Variants in HIVEP3 observed in about 807,000 individuals in gnomAD.
HIVEP3 encodes HIVEP zinc finger 3.
HIVEP3 carries 49 observed loss-of-function variants against 152.8 expected under a neutral mutation model. That is an observed-to-expected ratio of 0.32 (90% CI 0.26 to 0.41). The LOEUF (loss-of-function observed/expected upper bound fraction) is 0.41, where lower values mean the gene tolerates loss of function less well. Ranked by LOEUF, HIVEP3 falls within the 10% of genes least tolerant of loss-of-function variation. The pLI is 1.00. For synonymous variants in HIVEP3, 1,269 were observed against 1,289.0 expected (o/e 0.98, Z 0.33); for missense variants, 2,790 against 3,103.3 (o/e 0.90, Z 2.40).
At position 41,509,959 on chromosome 1, in the gene HIVEP3, G is replaced by A. The variant is rs1644425736; in HGVS notation, c.*492C>T. On this transcript the variant is annotated 3_prime_UTR_variant, in exon 9 of 9. Coordinates refer to ENST00000372583, the MANE Select transcript of HIVEP3 (RefSeq NM_024503.5). ...GGCCTTTCTGCTGGCAGAGAGGGGT[G>A]GCTACGAGCTGGGCAGGGGGGTGAA... 6.6e-6 allele frequency: 1 copy of A among 152,476 alleles called. No homozygotes were observed. Among genetic ancestry groups the A allele is most frequent in the Non-Finnish European group, 1.5e-5 (1 of 68,288 alleles). The allele number at this position is 152,476 out of a possible 1,614,324, so 9.4% of individuals were successfully genotyped here. A position where few individuals can be genotyped will look rare whatever the true frequency, so the allele number is the denominator to read the frequency against.
At chr1:41,641,614 T>C (rs1008470739) in intron 2 of HIVEP3, among the ~76,000 whole-genome samples, 3 of 152,252 alleles carry the variant, frequency 2.0e-5, no homozygotes, top group Non-Finnish European at 2.9e-5. Flanking sequence ...AAAGTTTCCA[T>C]TGCATCAGTT....
At chr1:41,693,104 G>C (rs556330003) in intron 2 of HIVEP3, among the ~76,000 whole-genome samples, 1 of 152,172 alleles carries the variant, frequency 6.6e-6, no homozygotes, top group Non-Finnish European at 1.5e-5. Context: ...TCCAGGGCCA[G>C]GTGGCTTGAA....
At chr1:41,663,719 A>G (rs1190095785) in intron 2 of HIVEP3, among the ~76,000 whole-genome samples, 3 of 152,210 alleles carry the variant, frequency 2.0e-5, no homozygotes, top group African/African-American at 7.2e-5. Flanking sequence ...CTATGGCTCC[A>G]GGGCTTGCAG....
chr1:41,735,848 A>G (rs1163205863), intron 1 of HIVEP3, among the ~76,000 whole-genome samples: 2 of 152,080 alleles, frequency 1.3e-5, no homozygotes, highest in East Asian at 3.9e-4. Context: ...ATGCACTGAG[A>G]GATTGCATTT....
At chr1:41,785,870 C>T (rs1039212035) in intron 1 of HIVEP3, among the ~76,000 whole-genome samples, 1 of 152,148 alleles carries the variant, frequency 6.6e-6, no homozygotes, top group Non-Finnish European at 1.5e-5. Flanking sequence ...GTGGCAGGTG[C>T]CTGTAATCCC....
At chr1:41,907,391 C>T (rs975970877) in intron 1 of HIVEP3, among the ~76,000 whole-genome samples, 16 of 152,188 alleles carry the variant, frequency 1.1e-4, no homozygotes, top group African/African-American at 3.4e-4. Flanking sequence ...CCACCTTGAA[C>T]TCTGGGAAAG....
chr1:41,866,291 C>G (rs1643971339), intron 1 of HIVEP3, among the ~76,000 whole-genome samples: 1 of 152,238 alleles, frequency 6.6e-6, no homozygotes, highest in South Asian at 2.1e-4. Context: ...GCTTCAGGGA[C>G]AGGGGATGCA....
rs536223875 is a variant in HIVEP3 at position 41,766,950 on chromosome 1, A to G, written c.-800-65955T>C. Among the ~76,000 whole-genome samples the G allele has an allele frequency of 1.3e-4, 20 of 152,214 alleles. No individual in the cohort carries two copies. The South Asian group carries it at 1.7e-3, about 13-fold the overall frequency. Reference sequence around the variant, plus strand: ...ACCCCGCAGGAGGAAAGACTCCCCAAAATTGTCCTACCCAATGGATACTCT... The same window carrying G: ...ACCCCGCAGGAGGAAAGACTCCCCAGAATTGTCCTACCCAATGGATACTCT... On this transcript the variant is annotated intron_variant, in intron 1 of 8. Transcript: ENST00000372583.
In HIVEP3 at chr1:41,633,075, C is replaced by T. The variant is rs116562561; in HGVS notation, c.-720-4128G>A. On this transcript the variant is annotated intron_variant, in intron 2 of 8. Transcript: ENST00000372583. ...CGTGAGGCTGGTGTCACTGACTGTC[C>T]CCAGTCTCCCCCTCCGTGGCAGGTC... Among the ~76,000 whole-genome samples the T allele has an allele frequency of 9.2e-3, 1,403 of 152,126 alleles. 15 individuals carry two copies. The highest frequency in any genetic ancestry group is 0.032 in the African/African-American group (1,323 of 41,460).
intron 1 of HIVEP3, among the ~76,000 whole-genome samples, chr1:41,891,843 T>G (rs1008780812): frequency 6.6e-6 from 1 of 152,200 alleles, no homozygotes; most frequent in Non-Finnish European, 1.5e-5. Context: ...CCTGATTTCA[T>G]TGCTTGTGAA....
At chr1:42,028,722 A>G (rs1481229552) in intron 1 of HIVEP3, among the ~76,000 whole-genome samples, 1 of 152,200 alleles carries the variant, frequency 6.6e-6, no homozygotes, top group Non-Finnish European at 1.5e-5. Flanking sequence ...TCTTTAATTA[A>G]AAACAAAACA....
chr1:41,715,273 T>C (rs1412578205), intron 1 of HIVEP3, among the ~76,000 whole-genome samples: 1 of 152,032 alleles, frequency 6.6e-6, no homozygotes, highest in Non-Finnish European at 1.5e-5. Context: ...AGGAGACAGA[T>C]TTATTGATCT....
chr1:41,820,306 C>T (rs1642555200), intron 1 of HIVEP3, among the ~76,000 whole-genome samples: 1 of 152,126 alleles, frequency 6.6e-6, no homozygotes, highest in Non-Finnish European at 1.5e-5. Flanking sequence ...CTTCATGAAC[C>T]CCTCTTATCT....
chr1:42,006,840 C>T (rs1472244129), intron 1 of HIVEP3, among the ~76,000 whole-genome samples: 1 of 152,112 alleles, frequency 6.6e-6, no homozygotes, highest in African/African-American at 2.4e-5. Context: ...CCCCAGGGAC[C>T]CCTAGATCAC....
intron 1 of HIVEP3, among the ~76,000 whole-genome samples, chr1:41,826,376 T>G (rs148477203): frequency 0.016 from 2,503 of 152,290 alleles, 39 homozygotes; most frequent in Non-Finnish European, 0.021. Context: ...GCGCTTCAAG[T>G]GTGCTTGCAT....
chr1:41,577,308 G>C (rs1008047977), intron 4 of HIVEP3, among the ~76,000 whole-genome samples: 29 of 152,202 alleles, frequency 1.9e-4, no homozygotes, highest in African/African-American at 7.0e-4. Context: ...TATCTCCACA[G>C]TCCTATGCGC....
At chr1:41,524,597 G>A in intron 6 of HIVEP3, 138 bp downstream of exon 6, 1 of 790,292 alleles carries the variant, frequency 1.3e-6, no homozygotes, top group South Asian at 1.6e-5. Context: ...TGGGCACCAA[G>A]CTGGGTGGGA....
intron 1 of HIVEP3, among the ~76,000 whole-genome samples, chr1:41,748,872 C>T (rs1647112273): frequency 2.0e-5 from 3 of 152,232 alleles, no homozygotes; most frequent in Admixed American, 2.0e-4. Context: ...GGGGATACCA[C>T]TTTCCATCTC....
At chr1:41,512,145 T>A (rs1642442058) in intron 8 of HIVEP3, among the ~76,000 whole-genome samples, 1 of 152,020 alleles carries the variant, frequency 6.6e-6, no homozygotes, top group Non-Finnish European at 1.5e-5. Flanking sequence ...CCCTTGCAAG[T>A]GATATGATAT....
Sources: allele counts gnomAD v4.1 joint callset (sites outside exome capture counted in the v4.1 genomes callset), GRCh38; gene constraint gnomAD v4.1.1; transcripts MANE v1.5; gene names NCBI Gene and HGNC (gene_info 2026-07-23, HGNC 2026-07-21).